Variants in TTC27 observed in about 807,000 individuals in gnomAD.
TTC27 encodes the protein tetratricopeptide repeat domain 27.
A neutral mutation model predicts 115.9 loss-of-function variants in TTC27; 79 were observed. The observed-to-expected ratio is 0.68, with a 90% CI of 0.57 to 0.82. The LOEUF (loss-of-function observed/expected upper bound fraction) is 0.82. Among genes scored for constraint, TTC27 ranks in the 40% least tolerant of loss-of-function variants. The pLI is 0.00. For synonymous variants in TTC27, 401 were observed against 356.0 expected, an observed-to-expected ratio of 1.13 and a Z score of -1.42; for missense variants, 1,054 against 993.1, an observed-to-expected ratio of 1.06 and a Z score of -0.82.
chr2:32,757,893 G>A (rs1669294650), intron 12 of TTC27, among the ~76,000 whole-genome samples: 1 of 152,018 alleles, frequency 6.6e-6, no homozygotes, highest in Admixed American at 6.6e-5. Context: ...GTAGAGACAG[G>A]GTTTCACCAT....
chr2:32,792,228 A>G (rs1043638248), intron 16 of TTC27, among the ~76,000 whole-genome samples: 8 of 152,192 alleles, frequency 5.3e-5, no homozygotes, highest in African/African-American at 1.9e-4. Flanking sequence ...GCAAGTTGCC[A>G]ATGAAATTGA....
intron 15 of TTC27, 40 bp downstream of exon 15, chr2:32,782,718 A>C: frequency 6.7e-7 from 1 of 1,495,414 alleles, no homozygotes; most frequent in African/African-American, 1.4e-5. Context: ...TTGCTTCCCA[A>C]ATAAATGAAT....
intron 7 of TTC27, among the ~76,000 whole-genome samples, chr2:32,670,197 C>T (rs1485628177): frequency 6.6e-6 from 1 of 151,976 alleles, no homozygotes; most frequent in Non-Finnish European, 1.5e-5. Flanking sequence ...CTTCATTTGG[C>T]TCCTAAAGTC....
At position 32,642,450 on chromosome 2, in the gene TTC27, G is replaced by A. The variant is rs112162960; in HGVS notation, c.537+2040G>A. Among the ~76,000 whole-genome samples the A allele has an allele frequency of 3.2e-3, 476 of 150,962 alleles. 1 individual carries two copies. Among genetic ancestry groups the A allele is most frequent in the African/African-American group, 0.011 (436 of 41,160 alleles). On this transcript the variant is annotated intron_variant, in intron 4 of 19. Transcript: ENST00000317907. The stretch of plus-strand genomic sequence containing the variant: ...GTATTTTTAGTAGAGACATGGTTTC[G>A]CCATGTTGGCCGTGTTGGTTTCAAA...
chr2:32,715,823 G>A (rs771862115), intron 10 of TTC27, among the ~76,000 whole-genome samples: 78 of 151,286 alleles, frequency 5.2e-4, no homozygotes, highest in Non-Finnish European at 9.4e-4. Context: ...ACTGAGGCTC[G>A]TACTTGTGTT....
At chr2:32,728,021 C>T (rs1348231744) in intron 10 of TTC27, among the ~76,000 whole-genome samples, 1 of 149,252 alleles carries the variant, frequency 6.7e-6, no homozygotes, top group Non-Finnish European at 1.5e-5. Context: ...ATCTGGGCCT[C>T]CTGAGAGGAC....
At position 32,762,900 on chromosome 2, in the gene TTC27, A is replaced by G. The variant is rs1203410479; in HGVS notation, c.1680+4381A>G. 3.3e-5 allele frequency among the ~76,000 whole-genome samples: 5 copies of G among 152,284 alleles called. No individual in the cohort carries two copies. The South Asian group carries it at 6.2e-4, about 19-fold the overall frequency. On this transcript the variant is annotated intron_variant, in intron 13 of 19. Transcript: ENST00000317907. ...TGTGATCCGCCCGCCTCGGTCTCCC[A>G]AAGTGCTGGGATTACAGGCGTGAGC...
chr2:32,642,893 T>G (rs1664706971), intron 4 of TTC27, among the ~76,000 whole-genome samples: 1 of 152,136 alleles, frequency 6.6e-6, no homozygotes, highest in Non-Finnish European at 1.5e-5. Context: ...GTCTTGAACT[T>G]GTGGGCTCAA....
intron 1 of TTC27, among the ~76,000 whole-genome samples, chr2:32,628,583 A>G (rs2063530667): frequency 6.6e-6 from 1 of 152,178 alleles, no homozygotes; most frequent in Non-Finnish European, 1.5e-5. Context: ...CAGGTTCAGT[A>G]ATAATGACAA....
At chr2:32,671,818 A>C (rs562315987) in intron 7 of TTC27, among the ~76,000 whole-genome samples, 1 of 152,214 alleles carries the variant, frequency 6.6e-6, no homozygotes, top group African/African-American at 2.4e-5. Context: ...TTTGATTAGA[A>C]TTTAGAGGCA....
chr2:32,680,503 A>C (rs1666381177), intron 9 of TTC27, among the ~76,000 whole-genome samples: 1 of 152,094 alleles, frequency 6.6e-6, no homozygotes, highest in African/African-American at 2.4e-5. Context: ...GGATGGGCGC[A>C]GCTGTTTTAG....
At chr2:32,777,518 G>A (rs1670036383) in intron 13 of TTC27, among the ~76,000 whole-genome samples, 1 of 152,126 alleles carries the variant, frequency 6.6e-6, no homozygotes, top group Admixed American at 6.5e-5. Context: ...AAAAATGTTT[G>A]TACATGTTCA....
intron 12 of TTC27, among the ~76,000 whole-genome samples, chr2:32,744,777 G>A (rs1318195815): frequency 7.9e-5 from 12 of 152,106 alleles, no homozygotes; most frequent in Non-Finnish European, 1.5e-5. Flanking sequence ...ATGGCCGGGC[G>A]TGGTGGCTCC....
chr2:32,732,447 C>CCCAG (rs1485641915), intron 10 of TTC27, among the ~76,000 whole-genome samples: 1 of 152,170 alleles, frequency 6.6e-6, no homozygotes, highest in Admixed American at 6.5e-5. Flanking sequence ...AAATGTATCT[C>CCCAG]CCAGCCAGTG....
At chr2:32,755,955 A>G (rs928512456) in intron 12 of TTC27, among the ~76,000 whole-genome samples, 8 of 152,180 alleles carry the variant, frequency 5.3e-5, no homozygotes, top group Non-Finnish European at 1.2e-4. Flanking sequence ...ACTACACATG[A>G]TAACTTAAGT....
intron 16 of TTC27, among the ~76,000 whole-genome samples, chr2:32,796,039 G>A (rs1205681142): frequency 1.3e-5 from 2 of 152,088 alleles, no homozygotes; most frequent in African/African-American, 2.4e-5. Context: ...CAGATGATGT[G>A]ATCTTGTATG....
chr2:32,677,087 A>T (rs1159769702), intron 8 of TTC27, among the ~76,000 whole-genome samples: 1 of 152,064 alleles, frequency 6.6e-6, no homozygotes, highest in Non-Finnish European at 1.5e-5. Context: ...GTATGCTTGT[A>T]AGTCAGTTGC....
chr2:32,650,279 A>G (rs1435912248), intron 5 of TTC27, 46 bp downstream of exon 5: 1 of 1,439,376 alleles, frequency 6.9e-7, no homozygotes, highest in Non-Finnish European at 9.7e-7. Context: ...GCTCAGTTCT[A>G]ATTACTTGGC....
intron 13 of TTC27, among the ~76,000 whole-genome samples, chr2:32,770,156 G>T (rs1669780098): frequency 6.6e-6 from 1 of 152,130 alleles, no homozygotes; most frequent in Admixed American, 6.5e-5. Flanking sequence ...AGTTTTGGTG[G>T]TTTATATTTT....
Sources: allele counts gnomAD v4.1 joint callset (sites outside exome capture counted in the v4.1 genomes callset), GRCh38; gene constraint gnomAD v4.1.1; transcripts MANE v1.5; gene names NCBI Gene and HGNC (gene_info 2026-07-23, HGNC 2026-07-21).